Variants in STARD13 observed in about 807,000 individuals in gnomAD.
STARD13 encodes the protein StAR related lipid transfer domain containing 13.
STARD13 carries 62 observed loss-of-function variants against 106.4 expected under a neutral mutation model. The observed-to-expected ratio is 0.58, with a 90% CI of 0.48 to 0.72. STARD13 has a LOEUF of 0.72. Ranked by LOEUF, STARD13 falls within the 30% of genes least tolerant of loss-of-function variation. The pLI, the probability that STARD13 is intolerant of heterozygous loss-of-function variation, is 0.00. For missense variants in STARD13, 1,387 were observed against 1,424.0 expected (o/e 0.97, Z 0.42); for synonymous variants, 565 against 553.0 (o/e 1.02, Z -0.31).
chr13:33,228,159 C>T (rs1479707481), intron 1 of STARD13, among the ~76,000 whole-genome samples: 1 of 152,156 alleles, frequency 6.6e-6, no homozygotes, highest in Non-Finnish European at 1.5e-5. Context: ...GGCACAGAAG[C>T]ATGAAGAGTA....
At chr13:33,670,362 A>G in the STARD13 span, among the ~76,000 whole-genome samples, 1 of 152,238 alleles carries the variant, frequency 6.6e-6, no homozygotes, top group Admixed American at 6.5e-5. Flanking sequence ...AACTCATTGA[A>G]CGAACATAAT....
chr13:33,255,642 C>A (rs1264026414), intron 1 of STARD13, among the ~76,000 whole-genome samples: 1 of 152,168 alleles, frequency 6.6e-6, no homozygotes, highest in East Asian at 1.9e-4. Context: ...AAAAATCAGA[C>A]TGAACCAGAG....
the STARD13 span, among the ~76,000 whole-genome samples, chr13:33,602,107 T>C: frequency 1.3e-5 from 2 of 151,668 alleles, no homozygotes; most frequent in Non-Finnish European, 1.5e-5. Flanking sequence ...TTTTTTTTTT[T>C]TGAGATGGAG....
chr13:33,115,515 C>G (rs1307354402), intron 8 of STARD13, among the ~76,000 whole-genome samples: 1 of 152,184 alleles, frequency 6.6e-6, no homozygotes, highest in African/African-American at 2.4e-5. Flanking sequence ...GCCACCTGCT[C>G]AACTCAATAC....
the STARD13 span, among the ~76,000 whole-genome samples, chr13:33,671,073 C>T: frequency 1.3e-5 from 2 of 152,190 alleles, no homozygotes; most frequent in Non-Finnish European, 2.9e-5. Flanking sequence ...TGAATTGCCA[C>T]CCATTTTGCA....
chr13:33,398,165 T>C, the STARD13 span, among the ~76,000 whole-genome samples: 1 of 152,240 alleles, frequency 6.6e-6, no homozygotes, highest in Non-Finnish European at 1.5e-5. Flanking sequence ...TCCTGGTTTT[T>C]GCTAACTCTC....
chr13:33,130,768 A>G lies in STARD13; in HGVS notation c.388-479T>C, dbSNP rs189466692. On this transcript the variant is annotated intron_variant, in intron 4 of 13. Coordinates refer to ENST00000336934, the MANE Select transcript of STARD13 (RefSeq NM_178006.4). This position sits in a 1 kb window ranked among gnomAD's most constrained non-coding sequence, Gnocchi z 4.1. Reference sequence around the variant, plus strand: ...GCCCCATCTGAATCTCAGCTTCAGTATATCTCAAAGCTAACACTCCTTATT... The same window carrying G: ...GCCCCATCTGAATCTCAGCTTCAGTGTATCTCAAAGCTAACACTCCTTATT... Among the ~76,000 whole-genome samples the G allele has an allele frequency of 8.5e-4, 130 of 152,288 alleles. No homozygotes were observed. Among genetic ancestry groups the G allele is most frequent in the African/African-American group, 3.0e-3 (123 of 41,544 alleles).
chr13:33,104,663 T>G lies in STARD13; in HGVS notation c.*930A>C, dbSNP rs969065673. ...ATTTAATAACATTATGAAATGTATT[T>G]ATAAAAACTTGAGACAACACAGGGG... is the stretch of plus-strand genomic sequence containing the variant. On this transcript the variant is annotated 3_prime_UTR_variant, in exon 14 of 14. Transcript: ENST00000336934. 3 of 153,162 alleles carry G rather than the reference T, an allele frequency of 2.0e-5. No individual in the cohort carries two copies. The highest frequency in any genetic ancestry group is 4.4e-5 in the Non-Finnish European group (3 of 68,040). The allele number at this position is 153,162 out of a possible 1,614,324, so 9.5% of individuals were successfully genotyped here.
intron 1 of STARD13, among the ~76,000 whole-genome samples, chr13:33,337,099 A>G (rs1047360398): frequency 6.6e-6 from 1 of 152,216 alleles, no homozygotes; most frequent in African/African-American, 2.4e-5. Flanking sequence ...ATGCAATTTT[A>G]TAAGACTAGA....
At chr13:33,148,310 A>G (rs1880821318) in intron 3 of STARD13, among the ~76,000 whole-genome samples, 4 of 152,246 alleles carry the variant, frequency 2.6e-5, no homozygotes, top group South Asian at 2.1e-4. Flanking sequence ...CAGAGAGAGC[A>G]TATTTGCAAA....
intron 1 of STARD13, among the ~76,000 whole-genome samples, chr13:33,302,763 T>A (rs917154931): frequency 6.6e-6 from 1 of 152,218 alleles, no homozygotes; most frequent in African/African-American, 2.4e-5. Context: ...TTTTCTTCAA[T>A]TTACAGATGA....
intron 1 of STARD13, among the ~76,000 whole-genome samples, chr13:33,262,662 A>ACACAAC (rs5802678): frequency 4.4e-5 from 5 of 114,900 alleles, no homozygotes; most frequent in African/African-American, 1.6e-4. Context: ...ACACACACAC[A>ACACAAC]ACACACACAC....
chr13:33,508,632 G>T, the STARD13 span, among the ~76,000 whole-genome samples: 1 of 152,174 alleles, frequency 6.6e-6, no homozygotes, highest in African/African-American at 2.4e-5. Flanking sequence ...TGTGACACTG[G>T]ATAAGCTGAG....
Position 33,285,531 on chromosome 13 carries a change from G to A in STARD13, c.108C>T (p.Arg36=), listed in dbSNP as rs755164026. 1 of 1,614,074 alleles carries A rather than the reference G, an allele frequency of 6.2e-7. No homozygotes were observed. Among genetic ancestry groups the A allele is most frequent in the Non-Finnish European group, 8.5e-7 (1 of 1,179,932 alleles). Residue 36 remains arginine (R), a synonymous_variant, in exon 1 of 14, where the codon CGC becomes CGT. Transcript: ENST00000336934. The stretch of plus-strand genomic sequence containing the variant: ...GAATCCGGCTCATCCTGTAAGGAGA[G>A]CGTCTTGTAGTCTGATCAAATCGCA... ...MYLRFDQTTR[R]SPYRMSRILA...
chr13:33,116,097 C>T (rs181320805), intron 8 of STARD13, among the ~76,000 whole-genome samples: 1 of 152,208 alleles, frequency 6.6e-6, no homozygotes, highest in Non-Finnish European at 1.5e-5. Flanking sequence ...CAAGCATACA[C>T]TCCTTGCCCT....
chr13:33,403,216 A>T, the STARD13 span, among the ~76,000 whole-genome samples: 1 of 152,202 alleles, frequency 6.6e-6, no homozygotes, highest in Non-Finnish European at 1.5e-5. Flanking sequence ...CGATGACCGA[A>T]CAGGCAAGCC....
chr13:33,359,575 G>A, the STARD13 span: 1 of 155,966 alleles, frequency 6.4e-6, no homozygotes, highest in Non-Finnish European at 1.4e-5. Flanking sequence ...TGAGGTAGGA[G>A]AATTGTTTGA....
chr13:33,131,527 G>A (rs1878295287), intron 4 of STARD13, among the ~76,000 whole-genome samples: 1 of 151,780 alleles, frequency 6.6e-6, no homozygotes, highest in Non-Finnish European at 1.5e-5. Flanking sequence ...CTGCTACAGT[G>A]AGCCGTGATG....
chr13:33,327,723 T>C (rs2077792434), intron 1 of STARD13, among the ~76,000 whole-genome samples: 1 of 152,236 alleles, frequency 6.6e-6, no homozygotes, highest in African/African-American at 2.4e-5. Context: ...AGTAAATAAG[T>C]ATAATTTAAA....
Sources: allele counts gnomAD v4.1 joint callset (sites outside exome capture counted in the v4.1 genomes callset), GRCh38; gene constraint gnomAD v4.1.1; non-coding constraint Gnocchi (gnomAD v3.1); transcripts MANE v1.5; gene names NCBI Gene and HGNC (gene_info 2026-07-23, HGNC 2026-07-21).